The following SCHIP1 variants were observed in gnomAD, a reference collection of about 807,000 sequenced individuals.
The protein encoded by SCHIP1 is schwannomin interacting protein 1.
SCHIP1 carries 8 observed loss-of-function variants against 29.7 expected under a neutral mutation model. The observed-to-expected ratio is 0.27, with a 90% confidence interval of 0.16 to 0.49. The LOEUF is 0.49. SCHIP1 is among the 20% of genes least tolerant of loss of function. SCHIP1 has a pLI of 0.99. For missense variants in SCHIP1, 193 were observed against 294.6 expected, an observed-to-expected ratio of 0.66 and a Z score of 2.52; for synonymous variants, 76 against 94.9, an observed-to-expected ratio of 0.80 and a Z score of 1.16.
At chr3:159,803,649 G>A in the SCHIP1 span, among the ~76,000 whole-genome samples, 1 of 152,172 alleles carries the variant, frequency 6.6e-6, no homozygotes, top group East Asian at 1.9e-4. Context: ...CGTAGATACA[G>A]ACCCTGCATG....
At chr3:159,592,415 C>T in the SCHIP1 span, among the ~76,000 whole-genome samples, 32 of 152,058 alleles carry the variant, frequency 2.1e-4, no homozygotes, top group African/African-American at 7.0e-4. Context: ...AACTTCTTAA[C>T]ACACCATAAG....
At chr3:159,825,822 CA>C in the SCHIP1 span, among the ~76,000 whole-genome samples, 1 of 151,986 alleles carries the variant, frequency 6.6e-6, no homozygotes, top group Non-Finnish European at 1.5e-5. Flanking sequence ...CTTATTTAGA[CA>C]GGGGGCTAAG....
chr3:159,344,814 G>A, the SCHIP1 span, among the ~76,000 whole-genome samples: 1 of 152,168 alleles, frequency 6.6e-6, no homozygotes, highest in Non-Finnish European at 1.5e-5. Context: ...GTCCTTACTG[G>A]TTTATAAATT....
the SCHIP1 span, among the ~76,000 whole-genome samples, chr3:159,700,785 C>T: frequency 1.3e-5 from 2 of 151,124 alleles, no homozygotes; most frequent in Non-Finnish European, 2.9e-5. Context: ...TGTACTCCAG[C>T]CTGGGGTGAC....
chr3:159,699,460 A>G, the SCHIP1 span, among the ~76,000 whole-genome samples: 1 of 152,186 alleles, frequency 6.6e-6, no homozygotes, highest in African/African-American at 2.4e-5. Flanking sequence ...GGTAACACCC[A>G]GGAAGGAGTG....
chr3:159,298,697 A>G, the SCHIP1 span, among the ~76,000 whole-genome samples: 1 of 151,982 alleles, frequency 6.6e-6, no homozygotes, highest in South Asian at 2.1e-4. Flanking sequence ...GCCAAGTGCT[A>G]CAGAAGCCTC....
the SCHIP1 span, among the ~76,000 whole-genome samples, chr3:159,512,867 C>A: frequency 1.3e-5 from 2 of 152,204 alleles, no homozygotes; most frequent in Admixed American, 1.3e-4. Flanking sequence ...ACTTCCCAGC[C>A]TCTGGTAACC....
chr3:159,379,428 G>A, the SCHIP1 span, among the ~76,000 whole-genome samples: 1 of 152,094 alleles, frequency 6.6e-6, no homozygotes, highest in East Asian at 1.9e-4. Context: ...TCACCATGTT[G>A]GCCAGGCTGG....
At chr3:159,679,521 A>G in the SCHIP1 span, among the ~76,000 whole-genome samples, 1 of 152,244 alleles carries the variant, frequency 6.6e-6, no homozygotes, top group Non-Finnish European at 1.5e-5. Flanking sequence ...ATCTTTTTGT[A>G]GACAAAGGGA....
the SCHIP1 span, among the ~76,000 whole-genome samples, chr3:159,828,442 T>TAC: frequency 4.7e-3 from 273 of 57,516 alleles, 11 homozygotes; most frequent in Non-Finnish European, 7.3e-3. Flanking sequence ...TATATATACG[T>TAC]ATATATATAC....
At chr3:159,620,342 C>T in the SCHIP1 span, among the ~76,000 whole-genome samples, 1 of 152,034 alleles carries the variant, frequency 6.6e-6, no homozygotes, top group Non-Finnish European at 1.5e-5. Context: ...AAATGGGAAA[C>T]AGGATAAGAA....
chr3:159,426,033 A>G, the SCHIP1 span, among the ~76,000 whole-genome samples: 1 of 152,132 alleles, frequency 6.6e-6, no homozygotes, highest in Non-Finnish European at 1.5e-5. Flanking sequence ...TCTGGGACAC[A>G]TTCAAAGCAG....
the SCHIP1 span, among the ~76,000 whole-genome samples, chr3:159,720,566 T>G: frequency 6.6e-6 from 1 of 152,166 alleles, no homozygotes; most frequent in East Asian, 1.9e-4. Context: ...TTGTTTATTT[T>G]GCTCTTGTTT....
chr3:159,437,315 G>T, the SCHIP1 span, among the ~76,000 whole-genome samples: 1 of 152,042 alleles, frequency 6.6e-6, no homozygotes, highest in Non-Finnish European at 1.5e-5. Flanking sequence ...CCCCCATTTT[G>T]TCTATCTGGG....
chr3:159,345,546 GTCTCTCTTTCTCTCTCTC>G, the SCHIP1 span, among the ~76,000 whole-genome samples: 4 of 132,768 alleles, frequency 3.0e-5, no homozygotes, highest in African/African-American at 1.3e-4. Context: ...TTACAGCAGT[GTCTCTCTTTCTCTCTCTC>G]TCTCTCTCTC....
the SCHIP1 span, among the ~76,000 whole-genome samples, chr3:159,621,809 G>C: frequency 6.6e-6 from 1 of 152,110 alleles, no homozygotes; most frequent in Non-Finnish European, 1.5e-5. Flanking sequence ...TGGATTACAG[G>C]TGCCCATCAT....
the SCHIP1 span, among the ~76,000 whole-genome samples, chr3:159,652,384 G>A: frequency 6.0e-4 from 91 of 151,996 alleles, 1 homozygote; most frequent in Non-Finnish European, 3.2e-4. Flanking sequence ...AAGTAGAAGG[G>A]AATAAAACCA....
At chr3:159,870,112 A>G (rs943895385) in intron 2 of SCHIP1, among the ~76,000 whole-genome samples, 7 of 151,884 alleles carry the variant, frequency 4.6e-5, no homozygotes, top group Admixed American at 6.6e-5. Context: ...CTCTCCTATT[A>G]TTTCTAATAA....
At chr3:159,361,319 A>T in the SCHIP1 span, among the ~76,000 whole-genome samples, 2 of 152,348 alleles carry the variant, frequency 1.3e-5, no homozygotes, top group Non-Finnish European at 2.9e-5. Context: ...TTAGTTATGA[A>T]GTTACCTTGG....
Sources: allele counts gnomAD v4.1 joint callset (sites outside exome capture counted in the v4.1 genomes callset), GRCh38; gene constraint gnomAD v4.1.1; transcripts MANE v1.5; gene names NCBI Gene and HGNC (gene_info 2026-07-23, HGNC 2026-07-21).